Variants in RAD23B observed in about 807,000 individuals in gnomAD.
RAD23B encodes lysine-specific demethylase RAD23B.
A neutral mutation model predicts 49.1 loss-of-function variants in RAD23B; 5 were observed. That is an observed-to-expected ratio of 0.10 (90% CI 0.05 to 0.21). The LOEUF is 0.21. Ranked by LOEUF, RAD23B falls within the 10% of genes least tolerant of loss-of-function variation. RAD23B has a pLI of 1.00. For synonymous variants in RAD23B, 184 were observed against 165.4 expected (o/e 1.11, Z -0.86); for missense variants, 356 against 486.7 (o/e 0.73, Z 2.53).
At chr9:107,302,931 C>T (rs1479040325) in intron 3 of RAD23B, among the ~76,000 whole-genome samples, 1 of 152,140 alleles carries the variant, frequency 6.6e-6, no homozygotes, top group East Asian at 1.9e-4. Flanking sequence ...GCTGGGATTA[C>T]AGGCGTGAGC....
intron 5 of RAD23B, among the ~76,000 whole-genome samples, chr9:107,313,964 T>C (rs58001660): frequency 0.011 from 1,689 of 151,862 alleles, 25 homozygotes; most frequent in African/African-American, 0.036. Flanking sequence ...TTCCCTTTCT[T>C]CCCCTCATTC....
chr9:107,298,664 T>C (rs2133072073), intron 1 of RAD23B, among the ~76,000 whole-genome samples: 1 of 149,980 alleles, frequency 6.7e-6, no homozygotes, highest in East Asian at 1.9e-4. Context: ...TTTACCACAT[T>C]AGAAATTAAA....
intron 1 of RAD23B, among the ~76,000 whole-genome samples, chr9:107,299,776 T>C (rs960211746): frequency 2.0e-5 from 3 of 152,240 alleles, no homozygotes; most frequent in African/African-American, 7.2e-5. Context: ...TTGATGAGAC[T>C]GTTTTATTTC....
chr9:107,289,420 A>C (rs1168059261), intron 1 of RAD23B, among the ~76,000 whole-genome samples: 1 of 151,996 alleles, frequency 6.6e-6, no homozygotes, highest in African/African-American at 2.4e-5. Flanking sequence ...TTCTAGCCTC[A>C]AGTGATCCTC....
intron 1 of RAD23B, among the ~76,000 whole-genome samples, chr9:107,294,678 A>G (rs1203211916): frequency 6.6e-6 from 1 of 152,246 alleles, no homozygotes; most frequent in Non-Finnish European, 1.5e-5. Context: ...CTACAGATAC[A>G]TTATGGTTTA....
Position 107,309,930 on chromosome 9 carries a change from C to CA in RAD23B, c.498-1732dup, listed in dbSNP as rs34745859. Among the ~76,000 whole-genome samples the CA allele has an allele frequency of 4.9e-3, 367 of 75,246 alleles. 6 individuals are homozygous for CA. Among genetic ancestry groups the CA allele is most frequent in the Non-Finnish European group, 5.3e-3 (191 of 35,748 alleles). The allele number at this position is 75,246 out of a possible 152,430, so 49.4% of individuals were successfully genotyped here. ...TGGGCGACAGAGTGAGACTCCATCT[C>CA]AAAAAAAAAAAAAAAAAAAACCAAT... On this transcript the variant is annotated intron_variant, in intron 4 of 9. Transcript: ENST00000358015.
Position 107,306,432 on chromosome 9 carries a change from C to G in RAD23B, c.282C>G (p.Ala94=). 2 of 1,614,142 alleles carry G rather than the reference C, an allele frequency of 1.2e-6. No homozygotes were observed. The highest frequency in any genetic ancestry group is 1.7e-6 in the Non-Finnish European group (2 of 1,180,026). The change falls in exon 4 of 10, where the codon GCC becomes GCG. Residue 94 remains alanine, a synonymous_variant. Transcript: ENST00000358015. ...APATTQQSAP[A]STTAVTSSTT... is the part of the protein sequence containing the mutation. ...CTACAACTCAGCAGTCAGCTCCTGC[C>G]AGCACTACAGCAGTTACTTCCTCCA...
chr9:107,331,205 G>A lies in RAD23B; in HGVS notation c.*1549G>A, dbSNP rs1477458535. On this transcript the variant is annotated 3_prime_UTR_variant, in exon 10 of 10. Coordinates refer to ENST00000358015, the MANE Select transcript of RAD23B (RefSeq NM_002874.5). ...ACATCACGTACTCATAACCTATTAT[G>A]AAAATAAATGAAACTGGCTGGGTAT... The A allele has an allele frequency of 1.3e-5, 2 of 154,662 alleles. No homozygotes were observed. The highest frequency in any genetic ancestry group is 2.9e-5 in the Non-Finnish European group (2 of 69,742). The allele number at this position is 154,662 out of a possible 1,614,324, so 9.6% of individuals were successfully genotyped here. A position where few individuals can be genotyped will look rare whatever the true frequency, so the allele number is the denominator to read the frequency against.
chr9:107,323,672 C>T (rs1827149325), intron 7 of RAD23B, among the ~76,000 whole-genome samples: 1 of 152,156 alleles, frequency 6.6e-6, no homozygotes, highest in Non-Finnish European at 1.5e-5. Context: ...AGTCAGCGTT[C>T]TGCACTCCCT....
At chr9:107,296,956 T>C (rs1255165576) in intron 1 of RAD23B, among the ~76,000 whole-genome samples, 1 of 149,232 alleles carries the variant, frequency 6.7e-6, no homozygotes, top group Non-Finnish European at 1.5e-5. Context: ...CCTGGTTCAT[T>C]TGGTTCCCCT....
rs184176096 is a variant in RAD23B, at chr9:107,311,495, C to T, written c.498-187C>T. ...GAGTACCAAGATTGAAAATTTTTCC[C>T]AAACCACAAATGTTGTAGATAAAGC... On this transcript the variant is annotated intron_variant, in intron 4 of 9. Transcript: ENST00000358015. Among the ~76,000 whole-genome samples, 5 of 152,108 alleles carry T rather than the reference C, an allele frequency of 3.3e-5. No individual in the cohort carries two copies. In the East Asian group the frequency reaches 9.7e-4, roughly 29 times the overall value.
At chr9:107,305,894 C>G (rs1426236288) in intron 3 of RAD23B, among the ~76,000 whole-genome samples, 1 of 151,684 alleles carries the variant, frequency 6.6e-6, no homozygotes, top group Non-Finnish European at 1.5e-5. Flanking sequence ...AGGATTGCTT[C>G]AGGCCCGGAG....
At chr9:107,284,957 A>T (rs966992354) in intron 1 of RAD23B, 1 of 1,301,422 alleles carries the variant, frequency 7.7e-7, no homozygotes, top group Admixed American at 2.3e-5. Flanking sequence ...CGATTATTTA[A>T]ACAATGGATT....
chr9:107,317,120 GTTTAC>G (rs1827014517), intron 5 of RAD23B, among the ~76,000 whole-genome samples: 1 of 137,798 alleles, frequency 7.3e-6, no homozygotes, highest in Non-Finnish European at 1.6e-5. Flanking sequence ...GTGTGTGTGT[GTTTAC>G]TTGACTTTTG....
chr9:107,318,384 C>A lies in RAD23B; in HGVS notation c.554-368C>A, dbSNP rs1564250493. Among the ~76,000 whole-genome samples, 1 of 152,208 alleles carries A rather than the reference C, an allele frequency of 6.6e-6. No individual in the cohort carries two copies. Among genetic ancestry groups the A allele is most frequent in the Non-Finnish European group, 1.5e-5 (1 of 68,032 alleles). ...TGGTTTTGTCTCCTCCTCCTCACAC[C>A]TGTTTCTCTGACCCTCTCATCTGCC... is the stretch of plus-strand genomic sequence containing the variant. On this transcript the variant is annotated intron_variant, in intron 5 of 9. Coordinates refer to ENST00000358015, the MANE Select transcript of RAD23B (RefSeq NM_002874.5). The surrounding 1 kb of genome is among the most constrained non-coding windows in gnomAD (Gnocchi z 4.3).
At chr9:107,324,102 A>G (rs774662968) in intron 8 of RAD23B, 85 bp downstream of exon 8, 7 of 1,372,522 alleles carry the variant, frequency 5.1e-6, no homozygotes, top group Non-Finnish European at 6.1e-6. Flanking sequence ...CCCTCCTCAA[A>G]TACAACTCTG....
intron 3 of RAD23B, among the ~76,000 whole-genome samples, chr9:107,306,072 T>TATATA (rs1564245552): frequency 2.3e-5 from 1 of 42,860 alleles, no homozygotes; most frequent in Non-Finnish European, 4.1e-5. Flanking sequence ...TATATATATA[T>TATATA]CTATATATCT....
chr9:107,289,699 A>G (rs1178181283), intron 1 of RAD23B, among the ~76,000 whole-genome samples: 1 of 152,188 alleles, frequency 6.6e-6, no homozygotes, highest in African/African-American at 2.4e-5. Flanking sequence ...GTGTCACCTC[A>G]GGCAAGTTAC....
intron 9 of RAD23B, among the ~76,000 whole-genome samples, chr9:107,327,112 T>G (rs748911401): frequency 6.6e-5 from 10 of 152,218 alleles, no homozygotes; most frequent in Non-Finnish European, 1.0e-4. Context: ...ATTTCAGTCA[T>G]TTGAGTCCTA....
Sources: gnomAD v4.1 joint callset for allele counts (sites outside exome capture counted in the v4.1 genomes callset) on GRCh38, gnomAD v4.1.1 for gene constraint, Gnocchi (gnomAD v3.1) non-coding constraint, MANE v1.5 for transcripts, NCBI Gene and HGNC (gene_info 2026-07-23, HGNC 2026-07-21) for gene names.